The following NEBL variants were observed in gnomAD, a reference collection of about 807,000 sequenced individuals.
NEBL encodes LIM and SH3 protein 2.
In NEBL, 122 loss-of-function variants were observed where a neutral mutation model predicts 140.2. That is an observed-to-expected ratio of 0.87 (90% CI 0.75 to 1.01). The LOEUF (loss-of-function observed/expected upper bound fraction) is 1.01, where lower values mean the gene tolerates loss of function less well. Ranked by LOEUF, NEBL falls within the 50% of genes least tolerant of loss-of-function variation. NEBL has a pLI of 0.00. For missense variants in NEBL, 1,365 were observed against 1,231.3 expected, an observed-to-expected ratio of 1.11 and a Z score of -1.62; for synonymous variants, 436 against 398.9, an observed-to-expected ratio of 1.09 and a Z score of -1.11.
At chr10:21,215,685 G>C (rs899308116) in intron 3 of NEBL, among the ~76,000 whole-genome samples, 1 of 152,108 alleles carries the variant, frequency 6.6e-6, no homozygotes, top group African/African-American at 2.4e-5. Flanking sequence ...TTTTGAGACA[G>C]GGTCTTACTC....
intron 4 of NEBL, among the ~76,000 whole-genome samples, chr10:20,924,523 TAAA>T (rs34139031): frequency 1.3e-4 from 18 of 138,138 alleles, no homozygotes; most frequent in Admixed American, 4.3e-4. Flanking sequence ...GTATCTTGTA[TAAA>T]AAAAAAAAAA....
At chr10:21,240,070 A>G (rs906169922) in intron 3 of NEBL, among the ~76,000 whole-genome samples, 2 of 152,108 alleles carry the variant, frequency 1.3e-5, no homozygotes, top group Non-Finnish European at 2.9e-5. Flanking sequence ...CTGTTGGTAC[A>G]ATAAAATAGA....
Position 20,812,878 on chromosome 10 carries a change from A to G in NEBL, c.2409T>C (p.Asp803=). The G allele has an allele frequency of 1.2e-6, 2 of 1,614,028 alleles. No individual in the cohort carries two copies. Among genetic ancestry groups the G allele is most frequent in the Non-Finnish European group, 1.7e-6 (2 of 1,179,938 alleles). The change falls in exon 24 of 28, where the codon GAT becomes GAC. Residue 803 remains aspartate (D), a synonymous_variant. Coordinates refer to ENST00000377122, the MANE Select transcript of NEBL (RefSeq NM_006393.3). ...TCTTCCTCACTCTCTCTGTCACAGG[A>G]TCGTCCACGACGGGAGTAAAGCCTC... ...KGRGFTPVVD[D]PVTERVRKNT... is the part of the protein sequence containing the mutation.
chr10:20,917,779 A>G (rs1212524665), intron 4 of NEBL, among the ~76,000 whole-genome samples: 1 of 152,162 alleles, frequency 6.6e-6, no homozygotes, highest in East Asian at 1.9e-4. Context: ...TAATTGTTCT[A>G]TTTTATATTT....
rs544410068 is a variant in NEBL at position 21,153,370 on chromosome 10, G to T, written c.164+19013C>A. 1.8e-4 allele frequency among the ~76,000 whole-genome samples: 26 copies of T among 144,146 alleles called. 1 individual carries two copies. In the East Asian group the frequency reaches 5.7e-3, roughly 32 times the overall value. 94.6% of individuals were successfully genotyped at this position (144,146 alleles called of 152,430 possible). A position where few individuals can be genotyped will look rare whatever the true frequency, so the allele number is the denominator to read the frequency against. The stretch of plus-strand genomic sequence containing the variant: ...GAGTTTTGCTCTGTCATCCAGGCTG[G>T]AGTGCAATGGTGAGATCTCAGCTCA... On this transcript the variant is annotated intron_variant, in intron 2 of 6. Transcript: ENST00000417816.
chr10:20,909,917 A>G (rs1350982389), intron 4 of NEBL, among the ~76,000 whole-genome samples: 1 of 152,236 alleles, frequency 6.6e-6, no homozygotes, highest in African/African-American at 2.4e-5. Flanking sequence ...TTATAGAATT[A>G]TAATACTTGC....
intron 4 of NEBL, among the ~76,000 whole-genome samples, chr10:20,906,086 G>A (rs1188997554): frequency 1.3e-5 from 2 of 152,116 alleles, no homozygotes; most frequent in Non-Finnish European, 1.5e-5. Context: ...AGTGTTTCCA[G>A]ATTTATGAAT....
chr10:20,794,014 T>C (rs1836257721), intron 26 of NEBL, among the ~76,000 whole-genome samples: 1 of 152,290 alleles, frequency 6.6e-6, no homozygotes, highest in African/African-American at 2.4e-5. Context: ...TTGTTTCCAA[T>C]ATCTGTGGAG....
chr10:20,787,405 C>T (rs772435382), intron 26 of NEBL, 97 bp from the exon 27 acceptor site: 1 of 968,424 alleles, frequency 1.0e-6, no homozygotes, highest in Non-Finnish European at 1.6e-6. Flanking sequence ...CTGCTAGAAG[C>T]TTCTGAAACA....
Position 20,934,884 on chromosome 10 carries a change from G to A in NEBL, c.357+26788C>T, listed in dbSNP as rs556379872. On this transcript the variant is annotated intron_variant, in intron 4 of 6. Transcript: ENST00000417816. ...TCTTTAAGACATAGCAACATTTCTA[G>A]CAGGAACAAAATGGGAAGAGAGATC... Among the ~76,000 whole-genome samples, 3 of 152,274 alleles carry A rather than the reference G, an allele frequency of 2.0e-5. No individual in the cohort carries two copies. In the South Asian group the frequency reaches 6.2e-4, roughly 32 times the overall value.
chr10:21,044,628 T>G (rs539297833), intron 2 of NEBL, among the ~76,000 whole-genome samples: 1 of 152,224 alleles, frequency 6.6e-6, no homozygotes, highest in East Asian at 1.9e-4. Flanking sequence ...ACACTGAGAT[T>G]TCCAAACAAA....
At chr10:20,885,235 A>G (rs1036659433) in intron 4 of NEBL, among the ~76,000 whole-genome samples, 1 of 152,082 alleles carries the variant, frequency 6.6e-6, no homozygotes, top group African/African-American at 2.4e-5. Context: ...ACTGTCAAAT[A>G]GTTCTTCTAC....
chr10:20,957,639 CAG>C (rs1197755442), intron 4 of NEBL, among the ~76,000 whole-genome samples: 4 of 152,086 alleles, frequency 2.6e-5, no homozygotes, highest in Non-Finnish European at 5.9e-5. Flanking sequence ...GGTACATACA[CAG>C]ATATACGCAC....
intron 26 of NEBL, among the ~76,000 whole-genome samples, chr10:20,792,705 CAGG>C (rs1836116586): frequency 1.3e-5 from 2 of 151,652 alleles, no homozygotes; most frequent in South Asian, 4.2e-4. Context: ...GAGGCTGAGG[CAGG>C]AGAATTGTTT....
chr10:21,206,968 C>CTTTTTTTTTTTTTTTTTTTTTTTTT (rs1028716031), intron 3 of NEBL, among the ~76,000 whole-genome samples: 2 of 99,136 alleles, frequency 2.0e-5, no homozygotes, highest in Non-Finnish European at 4.0e-5. Context: ...CTTTTTCTTT[C>CTTTTTTTTTTTTTTTTTTTTTTTTT]TTTTTTTTTT....
intron 3 of NEBL, among the ~76,000 whole-genome samples, chr10:20,988,564 C>A (rs1267534878): frequency 6.6e-6 from 1 of 152,094 alleles, no homozygotes; most frequent in Non-Finnish European, 1.5e-5. Context: ...GGACTTTGCC[C>A]CCAGAATTAA....
intron 11 of NEBL, among the ~76,000 whole-genome samples, chr10:20,849,680 T>G (rs982832491): frequency 6.6e-6 from 1 of 152,188 alleles, no homozygotes; most frequent in Non-Finnish European, 1.5e-5. Context: ...ACTTCCAGCC[T>G]CCAGAACTGA....
chr10:21,211,869 A>G (rs1223307963), intron 3 of NEBL, among the ~76,000 whole-genome samples: 8 of 152,202 alleles, frequency 5.3e-5, no homozygotes, highest in Admixed American at 5.2e-4. Context: ...TTGGAGAAGC[A>G]CAGAATTTCT....
intron 2 of NEBL, among the ~76,000 whole-genome samples, chr10:21,066,138 C>G (rs1164355437): frequency 6.6e-6 from 1 of 152,184 alleles, no homozygotes; most frequent in Non-Finnish European, 1.5e-5. Flanking sequence ...GGCCACCTCC[C>G]TCCATTCTCA....
Sources: allele counts gnomAD v4.1 joint callset (sites outside exome capture counted in the v4.1 genomes callset), GRCh38; gene constraint gnomAD v4.1.1; transcripts MANE v1.5; gene names NCBI Gene and HGNC (gene_info 2026-07-23, HGNC 2026-07-21).